The following CRAMP1 variants were observed in gnomAD, a reference collection of about 807,000 sequenced individuals.
CRAMP1 encodes cramped chromatin regulator 1.
CRAMP1 carries 50 observed loss-of-function variants against 115.4 expected under a neutral mutation model. That is an observed-to-expected ratio of 0.43 (90% confidence interval 0.35 to 0.55). CRAMP1 has a LOEUF of 0.55. CRAMP1 is among the 20% of genes least tolerant of loss of function. The pLI is 0.01. For synonymous variants in CRAMP1, 866 were observed against 745.4 expected (o/e 1.16, Z -2.64); for missense variants, 1,679 against 1,721.7 (o/e 0.98, Z 0.44).
At chr16:1,642,074 C>T (rs758390060) in intron 6 of CRAMP1, among the ~76,000 whole-genome samples, 3 of 152,220 alleles carry the variant, frequency 2.0e-5, no homozygotes, top group Non-Finnish European at 2.9e-5. Context: ...TGACTGCTCT[C>T]AGTTCACTGA....
chr16:1,618,399 G>A (rs1293822570), intron 2 of CRAMP1, among the ~76,000 whole-genome samples: 3 of 152,220 alleles, frequency 2.0e-5, no homozygotes, highest in Admixed American at 6.5e-5. Flanking sequence ...AGGACTGCAG[G>A]AGGAGGCTGC....
chr16:1,656,447 T>A lies in CRAMP1; in HGVS notation c.1690T>A (p.Tyr564Asn). 1 of 1,583,866 alleles carries A rather than the reference T, an allele frequency of 6.3e-7. No individual in the cohort carries two copies. The highest frequency in any genetic ancestry group is 1.3e-5 in the African/African-American group (1 of 74,142). ...CTCGCTTCTAGACCCCTTGCCCCGC[T>A]ACCTAAAGTCCTGTCAGGACCTCAT... is the stretch of plus-strand genomic sequence containing the variant. ...ELSLLDPLPR[Y>N]LKSCQDLIVP... Residue 564 changes from tyrosine to asparagine, a missense_variant, in exon 10 of 21, where the codon TAC (tyrosine) becomes AAC (asparagine). Tyr to Asn is a moderately radical substitution (Grantham distance 143). Coordinates refer to ENST00000397412, the MANE Select transcript of CRAMP1 (RefSeq NM_020825.4). The surrounding 1 kb of genome is among the most constrained non-coding windows in gnomAD (Gnocchi z 5.6).
At chr16:1,622,866 A>T (rs1350563918) in intron 2 of CRAMP1, among the ~76,000 whole-genome samples, 2 of 149,184 alleles carry the variant, frequency 1.3e-5, no homozygotes, top group African/African-American at 5.0e-5. Context: ...GTTTCAAGTG[A>T]TTCTTCTGTC....
At chr16:1,644,609 A>G (rs1471384357) in intron 6 of CRAMP1, among the ~76,000 whole-genome samples, 1 of 152,138 alleles carries the variant, frequency 6.6e-6, no homozygotes, top group African/African-American at 2.4e-5. Flanking sequence ...GGGGCCACAC[A>G]AAGAGTTGGG....
rs2036949876 is a variant in CRAMP1 at position 1,674,392 on chromosome 16, G to A, written c.*347G>A. ...GGTGGCATTTCCTTCTGAGACAAGG[G>A]AGTATGTGTGCCTTGGTGTAGTTGC... On this transcript the variant is annotated 3_prime_UTR_variant, in exon 21 of 21. Transcript: ENST00000397412. 1 of 288,472 alleles carries A rather than the reference G, an allele frequency of 3.5e-6. No individual in the cohort carries two copies. The highest frequency in any genetic ancestry group is 4.8e-5 in the Admixed American group (1 of 20,876). The allele number at this position is 288,472 out of a possible 1,614,324, so 17.9% of individuals were successfully genotyped here.
At chr16:1,623,125 A>G (rs1215481593) in intron 2 of CRAMP1, among the ~76,000 whole-genome samples, 1 of 152,204 alleles carries the variant, frequency 6.6e-6, no homozygotes, top group African/African-American at 2.4e-5. Context: ...TTGAACTCCC[A>G]ACCTCAGGCC....
intron 18 of CRAMP1, among the ~76,000 whole-genome samples, 189 bp from the exon 19 acceptor site, chr16:1,668,812 C>A (rs993766188): frequency 6.6e-5 from 10 of 152,234 alleles, no homozygotes; most frequent in Non-Finnish European, 1.5e-5. Context: ...CTTCACTCCG[C>A]TGCGCCCTGC....
In CRAMP1 at chr16:1,659,875, T is replaced by G. The variant is rs781321026; in HGVS notation, c.2236-11T>G. The G allele has an allele frequency of 6.8e-6, 11 of 1,612,968 alleles. No individual in the cohort carries two copies. The highest frequency in any genetic ancestry group is 3.3e-4 in the Middle Eastern group (2 of 6,084). ...TGAGTTTGGACATTGTTTGGCCCAT[T>G]TCTGTCCTAGGCTCTGGAAGCAAAC... On this transcript the variant is annotated splice_polypyrimidine_tract_variant and intron_variant, in intron 10 of 20. Transcript: ENST00000397412.
chr16:1,620,617 C>T (rs774238042), intron 2 of CRAMP1: 8 of 456,990 alleles, frequency 1.8e-5, no homozygotes, highest in Admixed American at 2.3e-5. Context: ...TGGGCTTCTG[C>T]GTCTGACCTC....
intron 3 of CRAMP1, among the ~76,000 whole-genome samples, chr16:1,627,653 A>AGTGTGGCTTGATTCTGATT (rs1213759614): frequency 2.6e-5 from 4 of 152,224 alleles, no homozygotes; most frequent in Non-Finnish European, 5.9e-5. Flanking sequence ...CTGCCGTGGC[A>AGTGTGGCTTGATTCTGATT]GTGTGGCTTG....
At position 1,666,298 on chromosome 16, in the gene CRAMP1, C is replaced by A; in HGVS notation, c.2857+121C>A. On this transcript the variant is annotated intron_variant, in intron 15 of 20. Coordinates refer to ENST00000397412, the MANE Select transcript of CRAMP1 (RefSeq NM_020825.4). This position sits in a 1 kb window ranked among gnomAD's most constrained non-coding sequence, Gnocchi z 5.0. ...ATGTCTCATTACCCTTCACCAAGAA[C>A]ATCTAAGCCCTTGGCTCTTGCATTG... 2 of 1,185,864 alleles carry A rather than the reference C, an allele frequency of 1.7e-6. No homozygotes were observed. Among genetic ancestry groups the A allele is most frequent in the African/African-American group, 1.5e-5 (1 of 65,636 alleles). 73.5% of individuals were successfully genotyped at this position (1,185,864 alleles called of 1,614,324 possible). A position where few individuals can be genotyped will look rare whatever the true frequency, so the allele number is the denominator to read the frequency against.
intron 19 of CRAMP1, among the ~76,000 whole-genome samples, chr16:1,670,117 T>C (rs898273608): frequency 9.9e-5 from 15 of 151,404 alleles, no homozygotes; most frequent in African/African-American, 3.6e-4. Flanking sequence ...ATTTTAAAAC[T>C]AGCCAGGTGT....
Position 1,614,732 on chromosome 16 carries a change from A to G in CRAMP1, c.93A>G (p.Glu31=). The G allele has an allele frequency of 7.3e-7, 1 of 1,363,202 alleles. No homozygotes were observed. Among genetic ancestry groups the G allele is most frequent in the Non-Finnish European group, 9.6e-7 (1 of 1,045,446 alleles). 84.4% of individuals were successfully genotyped at this position (1,363,202 alleles called of 1,614,324 possible). A position where few individuals can be genotyped will look rare whatever the true frequency, so the allele number is the denominator to read the frequency against. Residue 31 remains glutamate, a synonymous_variant, in exon 2 of 21, where the codon GAA becomes GAG. Coordinates refer to ENST00000397412, the MANE Select transcript of CRAMP1 (RefSeq NM_020825.4). The surrounding 1 kb of genome is among the most constrained non-coding windows in gnomAD (Gnocchi z 4.4). The part of the protein sequence containing the change: ...RAADEESLEG[E]GAGGADAAEE... ...CCGATGAGGAGTCCCTGGAAGGAGA[A>G]GGGGCCGGCGGCGCAGACGCGGCCG...
At chr16:1,673,279 C>T (rs1449968529) in intron 20 of CRAMP1, among the ~76,000 whole-genome samples, 2 of 145,170 alleles carry the variant, frequency 1.4e-5, no homozygotes, top group Non-Finnish European at 3.0e-5. Flanking sequence ...TTGACGGGAA[C>T]GTGTCCCCCA....
At chr16:1,650,121 C>A (rs1211084188) in intron 6 of CRAMP1, among the ~76,000 whole-genome samples, 1 of 152,134 alleles carries the variant, frequency 6.6e-6, no homozygotes, top group Non-Finnish European at 1.5e-5. Context: ...TTGATTAAAG[C>A]CTTAGGTTTT....
chr16:1,663,678 C>A (rs1168769552), intron 13 of CRAMP1, among the ~76,000 whole-genome samples: 2 of 152,280 alleles, frequency 1.3e-5, no homozygotes, highest in East Asian at 3.9e-4. Flanking sequence ...ATGGTCTAAT[C>A]CCAGAACGTT....
chr16:1,662,722 A>AG (rs779417578), intron 12 of CRAMP1, 39 bp from the exon 13 acceptor site: 1 of 1,613,766 alleles, frequency 6.2e-7, no homozygotes, highest in African/African-American at 1.3e-5. Context: ...CGTGGTCTGG[A>AG]GAGTGCACCT....
Position 1,656,861 on chromosome 16 carries a change from C to T in CRAMP1, c.2104C>T (p.Gln702Ter). 1 of 1,551,422 alleles carries T rather than the reference C, an allele frequency of 6.4e-7. No individual in the cohort carries two copies. ...YLMMGKPSKL[Q>*]LEYDWLGPGR... is the part of the protein sequence containing the mutation. ...CATGATGGGCAAGCCCAGCAAGCTG[C>T]AGCTGGAGTACGACTGGCTGGGGCC... The change falls in exon 10 of 21, where the codon CAG becomes TAG. Residue 702 changes from glutamine (Q) to a stop codon, truncating the protein, a stop_gained. Transcript: ENST00000397412. LOFTEE classifies it high-confidence loss of function. This position sits in a 1 kb window ranked among gnomAD's most constrained non-coding sequence, Gnocchi z 5.6.
chr16:1,671,126 T>C lies in CRAMP1; in HGVS notation c.3645+317T>C, dbSNP rs1379108504. Among the ~76,000 whole-genome samples the C allele has an allele frequency of 6.6e-6, 1 of 152,118 alleles. No homozygotes were observed. On this transcript the variant is annotated intron_variant, in intron 20 of 20. Coordinates refer to ENST00000397412, the MANE Select transcript of CRAMP1 (RefSeq NM_020825.4). The surrounding 1 kb of genome is among the most constrained non-coding windows in gnomAD (Gnocchi z 5.0). ...CAGAGCCGAGTGGGGATGTTACCTC[T>C]CCTTCCCTGGCTGTGAGGTGCTGAG... is the stretch of plus-strand genomic sequence containing the variant.
Sources: allele counts gnomAD v4.1 joint callset (sites outside exome capture counted in the v4.1 genomes callset), GRCh38; gene constraint gnomAD v4.1.1; non-coding constraint Gnocchi (gnomAD v3.1); transcripts MANE v1.5; gene names NCBI Gene and HGNC (gene_info 2026-07-23, HGNC 2026-07-21).